PTPN13: variants seen among roughly 807,000 people sequenced by gnomAD.
PTPN13 encodes protein tyrosine phosphatase non-receptor type 13.
Under a neutral mutation model 284.0 loss-of-function variants are expected in PTPN13, and 191 were observed. The ratio of observed to expected loss-of-function variants is 0.67; its 90% confidence interval spans 0.60 to 0.76. The LOEUF (loss-of-function observed/expected upper bound fraction) is 0.76, where lower values mean the gene tolerates loss of function less well. Among genes scored for constraint, PTPN13 ranks in the 30% least tolerant of loss-of-function variants. The pLI is 0.00. For synonymous variants in PTPN13, 986 were observed against 1,022.3 expected (o/e 0.96, Z 0.68); for missense variants, 2,797 against 2,939.9 (o/e 0.95, Z 1.12).
At chr4:86,601,669 C>A (rs929594012) in intron 1 of PTPN13, among the ~76,000 whole-genome samples, 4 of 152,216 alleles carry the variant, frequency 2.6e-5, no homozygotes, top group African/African-American at 9.6e-5. Flanking sequence ...GTACATCAAA[C>A]TTTCTAACTT....
intron 20 of PTPN13, among the ~76,000 whole-genome samples, chr4:86,756,050 A>G (rs1027409763): frequency 6.6e-6 from 1 of 151,864 alleles, no homozygotes; most frequent in South Asian, 2.1e-4. Context: ...AGTACCTACC[A>G]TAGAATAATG....
intron 8 of PTPN13, 25 bp downstream of exon 8, chr4:86,716,650 A>C: frequency 1.4e-6 from 2 of 1,421,110 alleles, no homozygotes; most frequent in Non-Finnish European, 1.9e-6. Flanking sequence ...AAACAAGCAA[A>C]CTGTTTTTAA....
chr4:86,713,408 G>T (rs944970620), intron 7 of PTPN13, among the ~76,000 whole-genome samples: 1 of 151,874 alleles, frequency 6.6e-6, no homozygotes, highest in African/African-American at 2.4e-5. Context: ...ATTTAAATTA[G>T]TATTAAATAA....
chr4:86,754,262 A>T (rs918162355), intron 20 of PTPN13, among the ~76,000 whole-genome samples: 3 of 152,044 alleles, frequency 2.0e-5, no homozygotes, highest in Non-Finnish European at 4.4e-5. Flanking sequence ...TTATACTTGG[A>T]CGTAAATTGC....
intron 35 of PTPN13, 97 bp from the exon 36 acceptor site, chr4:86,780,305 T>C: frequency 1.1e-6 from 1 of 940,220 alleles, no homozygotes; most frequent in South Asian, 1.4e-5. Context: ...GAGGCTGAGG[T>C]GGGAGCATTG....
chr4:86,810,472 G>A (rs1745109585), intron 46 of PTPN13, among the ~76,000 whole-genome samples: 2 of 151,806 alleles, frequency 1.3e-5, no homozygotes, highest in Admixed American at 6.6e-5. Flanking sequence ...TACTATAAGA[G>A]TATAATCTTA....
intron 3 of PTPN13, among the ~76,000 whole-genome samples, chr4:86,686,446 T>C (rs1729469414): frequency 2.0e-5 from 3 of 152,168 alleles, no homozygotes; most frequent in Admixed American, 2.0e-4. Context: ...TTTGCTTGAA[T>C]TTGCATCAGG....
At chr4:86,649,145 A>G (rs920505248) in intron 2 of PTPN13, among the ~76,000 whole-genome samples, 2 of 152,016 alleles carry the variant, frequency 1.3e-5, no homozygotes, top group African/African-American at 2.4e-5. Flanking sequence ...TGGATAGTTT[A>G]CAAATATTTC....
At chr4:86,802,588 G>A (rs953122170) in intron 42 of PTPN13, among the ~76,000 whole-genome samples, 3 of 152,126 alleles carry the variant, frequency 2.0e-5, no homozygotes, top group Non-Finnish European at 4.4e-5. Flanking sequence ...AGCTGGGTGT[G>A]GGAGTGTGCT....
intron 3 of PTPN13, among the ~76,000 whole-genome samples, chr4:86,677,929 G>T (rs1369888350): frequency 1.3e-5 from 2 of 152,094 alleles, no homozygotes; most frequent in Admixed American, 1.3e-4. Flanking sequence ...GCACCAAAAT[G>T]GATCCTAAAA....
At chr4:86,704,075 G>A (rs1320652127) in intron 7 of PTPN13, among the ~76,000 whole-genome samples, 1 of 152,078 alleles carries the variant, frequency 6.6e-6, no homozygotes, top group Non-Finnish European at 1.5e-5. Context: ...CTACTTGGGA[G>A]GCTGAGGCTG....
chr4:86,759,077 A>ATGT lies in PTPN13; in HGVS notation c.3553+5_3553+7dup. The ATGT allele has an allele frequency of 6.2e-7, 1 of 1,611,772 alleles. No homozygotes were observed. Among genetic ancestry groups the ATGT allele is most frequent in the African/African-American group, 1.3e-5 (1 of 74,938 alleles). On this transcript the variant is annotated splice_donor_region_variant and intron_variant, in intron 23 of 47. Coordinates refer to ENST00000411767, the MANE Select transcript of PTPN13 (RefSeq NM_080683.3). ...CCAAAAGAAAAGATATCCAAAGGTA[A>ATGT]TGTGAATGTCTCTTACTTATGTATT...
At chr4:86,811,777 A>G (rs929051289) in intron 47 of PTPN13, among the ~76,000 whole-genome samples, 1 of 152,200 alleles carries the variant, frequency 6.6e-6, no homozygotes, top group Admixed American at 6.5e-5. Context: ...CCATAAATTA[A>G]CATTTCTCTA....
At chr4:86,750,074 C>T (rs977960094) in intron 17 of PTPN13, among the ~76,000 whole-genome samples, 3 of 152,156 alleles carry the variant, frequency 2.0e-5, no homozygotes, top group African/African-American at 7.2e-5. Flanking sequence ...CTCTCCCTCT[C>T]CCTATCCTTG....
chr4:86,708,913 AT>A (rs1437822117), intron 7 of PTPN13, among the ~76,000 whole-genome samples: 1 of 150,622 alleles, frequency 6.6e-6, no homozygotes, highest in African/African-American at 2.4e-5. Context: ...TCATACTATC[AT>A]TCTCTCCCTT....
Position 86,701,389 on chromosome 4 carries a change from T to C in PTPN13, c.783T>C (p.Asp261=), listed in dbSNP as rs754609909. 9.3e-6 allele frequency: 15 copies of C among 1,613,572 alleles called. No homozygotes were observed. The highest frequency in any genetic ancestry group is 1.1e-5 in the Non-Finnish European group (13 of 1,179,626). The stretch of plus-strand genomic sequence containing the variant: ...ATTATTTCAAGGACATTTTATCAGA[T>C]AATTCTGGACGTGAAGATTCTGAAA... ...DENYFKDILS[D]NSGREDSENT... The change falls in exon 7 of 48, where the codon GAT becomes GAC. Residue 261 remains aspartate, a synonymous_variant. Transcript: ENST00000411767.
At position 86,696,629 on chromosome 4, in the gene PTPN13, C is replaced by G. The variant is rs181213232; in HGVS notation, c.634+2955C>G. 3.2e-3 allele frequency among the ~76,000 whole-genome samples: 489 copies of G among 151,936 alleles called. 6 individuals carry two copies. The highest frequency in any genetic ancestry group is 0.032 in the South Asian group (153 of 4,818). On this transcript the variant is annotated intron_variant, in intron 6 of 47. Transcript: ENST00000411767. Reference sequence around the variant, plus strand: ...TTATTATTAATATGCTGTTCTAATACAGATAAGGAAGCGTTGACTGTCATG... The same window carrying G: ...TTATTATTAATATGCTGTTCTAATAGAGATAAGGAAGCGTTGACTGTCATG...
intron 15 of PTPN13, among the ~76,000 whole-genome samples, chr4:86,738,550 TA>T: frequency 6.6e-6 from 1 of 152,364 alleles, no homozygotes; most frequent in South Asian, 2.1e-4. Context: ...CCCCCTTTTG[TA>T]ACTGGTTATA....
At chr4:86,710,957 C>G (rs529939847) in intron 7 of PTPN13, among the ~76,000 whole-genome samples, 35 of 151,976 alleles carry the variant, frequency 2.3e-4, no homozygotes, top group African/African-American at 7.5e-4. Context: ...GAGGGTCTCG[C>G]TCTGTCTCCT....
Sources: gnomAD v4.1 joint callset for allele counts (sites outside exome capture counted in the v4.1 genomes callset) on GRCh38, gnomAD v4.1.1 for gene constraint, MANE v1.5 for transcripts, NCBI Gene and HGNC (gene_info 2026-07-23, HGNC 2026-07-21) for gene names.